The following TTC27 variants were observed in gnomAD, a reference collection of about 807,000 sequenced individuals.
The protein encoded by TTC27 is tetratricopeptide repeat domain 27, also known as tetratricopeptide repeat protein 27.
In TTC27, 79 loss-of-function variants were observed where a neutral mutation model predicts 115.9. The ratio of observed to expected loss-of-function variants is 0.68; its 90% CI spans 0.57 to 0.82. TTC27 has a LOEUF of 0.82. Ranked by LOEUF, TTC27 falls within the 40% of genes least tolerant of loss-of-function variation. The pLI, the probability that TTC27 is intolerant of heterozygous loss-of-function variation, is 0.00. For missense variants in TTC27, 1,054 were observed against 993.1 expected, an observed-to-expected ratio of 1.06 and a Z score of -0.82; for synonymous variants, 401 against 356.0, an observed-to-expected ratio of 1.13 and a Z score of -1.42.
intron 3 of TTC27, among the ~76,000 whole-genome samples, chr2:32,634,563 A>C (rs953493901): frequency 2.6e-5 from 4 of 151,474 alleles, no homozygotes; most frequent in Non-Finnish European, 5.9e-5. Flanking sequence ...TGCTAGGATT[A>C]TAGGTGTGAG....
At chr2:32,636,370 C>T (rs55841602) in intron 3 of TTC27, among the ~76,000 whole-genome samples, 4,122 of 152,186 alleles carry the variant, frequency 0.027, 175 homozygotes, top group African/African-American at 0.094. Context: ...CTCACCACCA[C>T]GCCCGGCTAA....
At chr2:32,770,263 G>C (rs951626041) in intron 13 of TTC27, among the ~76,000 whole-genome samples, 1 of 152,144 alleles carries the variant, frequency 6.6e-6, no homozygotes, top group Non-Finnish European at 1.5e-5. Context: ...TTAATTCTCT[G>C]CAGTCACTGA....
intron 9 of TTC27, among the ~76,000 whole-genome samples, chr2:32,693,912 ATG>A (rs1666895680): frequency 6.6e-6 from 1 of 152,258 alleles, no homozygotes; most frequent in African/African-American, 2.4e-5. Flanking sequence ...AGCACATAGA[ATG>A]TGTTATATAA....
rs774497002 is a variant in TTC27, at chr2:32,787,199, T to A, written c.1998+50T>A. 2.6e-6 allele frequency: 4 copies of A among 1,560,696 alleles called. No homozygotes were observed. In the African/African-American group the frequency reaches 4.1e-5, roughly 16 times the overall value. ...TCAGTTTGTGTTTGATACTAATCCTTGATCATATGGTATAAATTATTTCCT... is the reference window on the plus strand; with the variant it reads ...TCAGTTTGTGTTTGATACTAATCCTAGATCATATGGTATAAATTATTTCCT... On this transcript the variant is annotated intron_variant, in intron 16 of 19. Coordinates refer to ENST00000317907, the MANE Select transcript of TTC27 (RefSeq NM_017735.5).
intron 13 of TTC27, among the ~76,000 whole-genome samples, chr2:32,773,922 T>C (rs1405685611): frequency 6.6e-6 from 1 of 152,198 alleles, no homozygotes; most frequent in Non-Finnish European, 1.5e-5. Flanking sequence ...GTGTTAATAA[T>C]GGTAGCCACT....
chr2:32,702,192 G>C (rs1667210290), intron 9 of TTC27, among the ~76,000 whole-genome samples: 1 of 151,980 alleles, frequency 6.6e-6, no homozygotes, highest in South Asian at 2.1e-4. Context: ...TTTGAAACAA[G>C]AGAAGGACCA....
intron 10 of TTC27, among the ~76,000 whole-genome samples, chr2:32,703,931 C>A (rs967997734): frequency 6.6e-6 from 1 of 152,170 alleles, no homozygotes; most frequent in Non-Finnish European, 1.5e-5. Flanking sequence ...CTGGCAGATT[C>A]GGTGTCTGGT....
At chr2:32,708,283 G>A (rs76097463) in intron 10 of TTC27, among the ~76,000 whole-genome samples, 7,148 of 122,362 alleles carry the variant, frequency 0.058, 272 homozygotes, top group East Asian at 0.13. Context: ...TTTCTTAATA[G>A]CGTTTTCTTT....
chr2:32,756,029 T>C (rs1669221329), intron 12 of TTC27, among the ~76,000 whole-genome samples: 1 of 152,250 alleles, frequency 6.6e-6, no homozygotes, highest in African/African-American at 2.4e-5. Flanking sequence ...CACTGCAGCC[T>C]TTCTGTCTTC....
chr2:32,628,128 C>T lies in TTC27; in HGVS notation c.-165C>T, dbSNP rs1464496928. 1.5e-6 allele frequency: 1 copy of T among 649,072 alleles called. No homozygotes were observed. Among genetic ancestry groups the T allele is most frequent in the South Asian group, 1.9e-5 (1 of 53,494 alleles). The allele number at this position is 649,072 out of a possible 1,614,324, so 40.2% of individuals were successfully genotyped here. ...CCCGCGCTGCTGTTATGGCCGCCTCCTTGAGGTAGTATCCGCACATGGAAT... is the reference window on the plus strand; with the variant it reads ...CCCGCGCTGCTGTTATGGCCGCCTCTTTGAGGTAGTATCCGCACATGGAAT... On this transcript the variant is annotated 5_prime_UTR_variant, in exon 1 of 20. Coordinates refer to ENST00000317907, the MANE Select transcript of TTC27 (RefSeq NM_017735.5).
intron 18 of TTC27, among the ~76,000 whole-genome samples, chr2:32,815,223 ATTTTTTTTTTTT>A (rs533493768): frequency 1.7e-3 from 97 of 55,510 alleles, no homozygotes; most frequent in African/African-American, 7.7e-3. Context: ...GCTGCTTCAG[ATTTTTTTTTTTT>A]TTTTTTTTTT....
intron 12 of TTC27, among the ~76,000 whole-genome samples, chr2:32,739,201 C>T (rs1668544321): frequency 2.0e-5 from 3 of 152,130 alleles, no homozygotes; most frequent in Admixed American, 2.0e-4. Context: ...ATGTAGTTCC[C>T]ATTGCATCAT....
chr2:32,655,283 C>G (rs1272951402), intron 5 of TTC27, among the ~76,000 whole-genome samples: 2 of 152,130 alleles, frequency 1.3e-5, no homozygotes, highest in East Asian at 3.9e-4. Context: ...AGCCACTGTG[C>G]CTGGCCCGCC....
At chr2:32,642,866 C>G (rs1246419005) in intron 4 of TTC27, among the ~76,000 whole-genome samples, 1 of 152,090 alleles carries the variant, frequency 6.6e-6, no homozygotes, top group East Asian at 1.9e-4. Flanking sequence ...CAGGGTTTCA[C>G]CTTGTTGCTC....
At chr2:32,731,052 C>T (rs1397501463) in intron 10 of TTC27, among the ~76,000 whole-genome samples, 2 of 151,952 alleles carry the variant, frequency 1.3e-5, no homozygotes, top group African/African-American at 4.8e-5. Context: ...GCTAGAGTTC[C>T]GTTGCGTGTG....
In TTC27 at chr2:32,811,059, G is replaced by C; in HGVS notation, c.2034G>C (p.Gly678=). Residue 678 remains glycine (G), a synonymous_variant, in exon 17 of 20, where the codon GGG becomes GGC. Coordinates refer to ENST00000317907, the MANE Select transcript of TTC27 (RefSeq NM_017735.5). ...TTCTAGTCAGGGCAGTGATTGATGG[G>C]ATGACTGATCGAAGTGGAGATGTTG... is the stretch of plus-strand genomic sequence containing the variant. ...LKILVRAVID[G]MTDRSGDVAT... is the part of the protein sequence containing the mutation. 1 of 1,614,130 alleles carries C rather than the reference G, an allele frequency of 6.2e-7. No homozygotes were observed. Among genetic ancestry groups the C allele is most frequent in the South Asian group, 1.1e-5 (1 of 91,078 alleles).
chr2:32,702,040 A>G (rs1037679949), intron 9 of TTC27, among the ~76,000 whole-genome samples: 1 of 151,826 alleles, frequency 6.6e-6, no homozygotes, highest in Admixed American at 6.6e-5. Context: ...AACAAAAAAA[A>G]CCAGCTACCA....
intron 17 of TTC27, 40 bp from the exon 18 acceptor site, chr2:32,812,464 C>T: frequency 7.0e-7 from 1 of 1,434,650 alleles, no homozygotes; most frequent in Non-Finnish European, 9.8e-7. Flanking sequence ...AATGTGAATT[C>T]TACTTGTTAT....
intron 17 of TTC27, 49 bp from the exon 18 acceptor site, chr2:32,812,455 A>G: frequency 7.3e-7 from 1 of 1,368,500 alleles, no homozygotes; most frequent in Non-Finnish European, 1.0e-6. Flanking sequence ...AGAGTTTGAA[A>G]TGTGAATTCT....
Sources: gnomAD v4.1 joint callset for allele counts (sites outside exome capture counted in the v4.1 genomes callset) on GRCh38, gnomAD v4.1.1 for gene constraint, MANE v1.5 for transcripts, NCBI Gene and HGNC (gene_info 2026-07-23, HGNC 2026-07-21) for gene names.